The following VPS13B variants were observed in gnomAD, a reference collection of about 807,000 sequenced individuals.
The protein encoded by VPS13B is intermembrane lipid transfer protein VPS13B.
Under a neutral mutation model 426.4 loss-of-function variants are expected in VPS13B, and 285 were observed. The observed-to-expected ratio is 0.67, with a 90% CI of 0.61 to 0.74. The LOEUF is 0.74. Among genes scored for constraint, VPS13B ranks in the 30% least tolerant of loss-of-function variants. The probability of loss-of-function intolerance (pLI) is 0.00; values close to 1 mark genes in which losing one functional copy is unlikely to be tolerated. For missense variants in VPS13B, 4,537 were observed against 4,782.6 expected (o/e 0.95, Z 1.51); for synonymous variants, 1,676 against 1,676.4 (o/e 1.00, Z 0.01).
intron 4 of VPS13B, among the ~76,000 whole-genome samples, chr8:99,101,480 T>G (rs899224809): frequency 6.6e-6 from 1 of 152,238 alleles, no homozygotes; most frequent in Non-Finnish European, 1.5e-5. Flanking sequence ...TATGGGGTTA[T>G]GTACATTCTA....
chr8:99,819,710 G>A (rs1814256942), intron 48 of VPS13B, 128 bp downstream of exon 48: 9 of 1,244,468 alleles, frequency 7.2e-6, no homozygotes, highest in Non-Finnish European at 1.0e-5. Flanking sequence ...TTATCATCTA[G>A]TAGGTGTATT....
chr8:99,658,970 A>G (rs942554642), intron 34 of VPS13B, among the ~76,000 whole-genome samples: 1 of 152,032 alleles, frequency 6.6e-6, no homozygotes, highest in African/African-American at 2.4e-5. Context: ...GACTACAGGC[A>G]TGGCAGGTGC....
Position 99,619,421 on chromosome 8 carries a change from T to C in VPS13B, c.5221-22390T>C, listed in dbSNP as rs534658609. On this transcript the variant is annotated intron_variant, in intron 33 of 61. Transcript: ENST00000357162. ...ATTAATGTCTGCATCAATTGTCTTG[T>C]TTTTTCCTCATCTGGCTTTTAGAAT... Among the ~76,000 whole-genome samples the C allele has an allele frequency of 5.3e-5, 8 of 152,302 alleles. No individual in the cohort carries two copies. The South Asian group carries it at 1.7e-3, about 32-fold the overall frequency.
chr8:99,615,787 A>G (rs1215077454), intron 33 of VPS13B, among the ~76,000 whole-genome samples: 1 of 152,140 alleles, frequency 6.6e-6, no homozygotes. Context: ...GTGAATGTTA[A>G]AGCCCCTTTC....
chr8:99,554,064 A>T (rs549111043), intron 30 of VPS13B, among the ~76,000 whole-genome samples: 7 of 152,080 alleles, frequency 4.6e-5, no homozygotes, highest in Non-Finnish European at 8.8e-5. Context: ...CCTAAAAGCA[A>T]TGTAAAAGTC....
chr8:99,394,329 A>C (rs1046307051), intron 21 of VPS13B, among the ~76,000 whole-genome samples: 1 of 152,162 alleles, frequency 6.6e-6, no homozygotes, highest in African/African-American at 2.4e-5. Context: ...AGACCTGCTG[A>C]TACTGCACTG....
At chr8:99,333,405 T>A (rs748289764) in intron 19 of VPS13B, among the ~76,000 whole-genome samples, 1 of 151,796 alleles carries the variant, frequency 6.6e-6, no homozygotes, top group Non-Finnish European at 1.5e-5. Flanking sequence ...TTCTTCTCAG[T>A]TTTCCTTAAT....
intron 33 of VPS13B, among the ~76,000 whole-genome samples, chr8:99,609,887 A>G (rs370611869): frequency 6.6e-6 from 1 of 152,210 alleles, no homozygotes; most frequent in East Asian, 1.9e-4. Flanking sequence ...TTGCACCATC[A>G]GTGCACATGT....
chr8:99,730,008 T>TA (rs1210680922), intron 39 of VPS13B, among the ~76,000 whole-genome samples: 1 of 152,200 alleles, frequency 6.6e-6, no homozygotes, highest in Admixed American at 6.5e-5. Context: ...TATTTGCAAT[T>TA]GAATATGATT....
chr8:99,193,572 C>G (rs1193974243), intron 17 of VPS13B, among the ~76,000 whole-genome samples: 1 of 151,972 alleles, frequency 6.6e-6, no homozygotes, highest in Non-Finnish European at 1.5e-5. Context: ...ACTCAGTTTG[C>G]ATGTAAACAA....
chr8:99,627,684 T>C (rs1828674118), intron 33 of VPS13B, among the ~76,000 whole-genome samples: 2 of 152,186 alleles, frequency 1.3e-5, no homozygotes, highest in South Asian at 4.1e-4. Flanking sequence ...ATGCCTGACC[T>C]AATTATGCCA....
At chr8:99,763,892 C>T (rs6997635) in intron 39 of VPS13B, among the ~76,000 whole-genome samples, 4,447 of 152,288 alleles carry the variant, frequency 0.029, 98 homozygotes, top group South Asian at 0.065. Context: ...CTCGTCCTTA[C>T]AGCATCTCAT....
intron 29 of VPS13B, among the ~76,000 whole-genome samples, chr8:99,517,314 T>A (rs1822136776): frequency 6.6e-6 from 1 of 152,222 alleles, no homozygotes; most frequent in Non-Finnish European, 1.5e-5. Context: ...TTCAAGCTAT[T>A]GGTTACTGAT....
At chr8:99,024,814 G>T (rs140179202) in intron 2 of VPS13B, among the ~76,000 whole-genome samples, 1 of 152,086 alleles carries the variant, frequency 6.6e-6, no homozygotes, top group South Asian at 2.1e-4. Context: ...TTTTATCTTT[G>T]CTTGTTATGT....
intron 34 of VPS13B, among the ~76,000 whole-genome samples, chr8:99,655,067 AAGTCTCATTTCAGTCCCTTCTTTGAAT>A (rs1235682744): frequency 6.6e-6 from 1 of 152,180 alleles, no homozygotes; most frequent in Non-Finnish European, 1.5e-5. Flanking sequence ...AATTATTTTG[AAGTCTCATTTCAGTCCCTTCTTTGAAT>A]AAAAGTTGAT....
chr8:99,650,065 G>T (rs1829746228), intron 34 of VPS13B, among the ~76,000 whole-genome samples: 1 of 152,096 alleles, frequency 6.6e-6, no homozygotes, highest in Admixed American at 6.6e-5. Context: ...TCCAGTCTGG[G>T]CTGGCACCAG....
chr8:99,762,227 A>T (rs1030562030), intron 39 of VPS13B, among the ~76,000 whole-genome samples: 22 of 151,976 alleles, frequency 1.4e-4, no homozygotes, highest in Non-Finnish European at 2.6e-4. Flanking sequence ...GGTCTTACCG[A>T]GTTGCCCAGG....
intron 17 of VPS13B, chr8:99,234,322 G>A (rs544203437): frequency 2.1e-5 from 16 of 754,316 alleles, no homozygotes; most frequent in East Asian, 1.2e-4. Context: ...CCACTATCCC[G>A]TGTTGAGCCA....
At chr8:99,355,752 G>A (rs765318000) in intron 19 of VPS13B, among the ~76,000 whole-genome samples, 1 of 152,210 alleles carries the variant, frequency 6.6e-6, no homozygotes, top group Non-Finnish European at 1.5e-5. Context: ...TTGACTGGTC[G>A]TATGTCAGCT....
Sources: gnomAD v4.1 joint callset for allele counts (sites outside exome capture counted in the v4.1 genomes callset) on GRCh38, gnomAD v4.1.1 for gene constraint, MANE v1.5 for transcripts, NCBI Gene and HGNC (gene_info 2026-07-23, HGNC 2026-07-21) for gene names.